The following TANGO6 variants were observed in gnomAD, a reference collection of about 807,000 sequenced individuals.
TANGO6 encodes the protein transport and golgi organization 6 homolog, also known as transport and Golgi organization protein 6 homolog.
A neutral mutation model predicts 114.2 loss-of-function variants in TANGO6; 90 were observed. That is an observed-to-expected ratio of 0.79 (90% CI 0.66 to 0.94). The LOEUF (loss-of-function observed/expected upper bound fraction) is 0.94, where lower values mean the gene tolerates loss of function less well. TANGO6 is among the 40% of genes least tolerant of loss of function. TANGO6 has a pLI of 0.00. For synonymous variants in TANGO6, 477 were observed against 509.8 expected (o/e 0.94, Z 0.87); for missense variants, 1,274 against 1,315.3 (o/e 0.97, Z 0.49).
intron 7 of TANGO6, among the ~76,000 whole-genome samples, chr16:68,891,680 C>T (rs1962623419): frequency 6.6e-6 from 1 of 152,146 alleles, no homozygotes; most frequent in African/African-American, 2.4e-5. Context: ...AGCCAATGTA[C>T]AGTCCAGCTT....
intron 10 of TANGO6, 128 bp downstream of exon 10, chr16:68,907,703 G>A: frequency 2.7e-6 from 3 of 1,126,538 alleles, no homozygotes; most frequent in Non-Finnish European, 3.6e-6. Context: ...AATGGTCAGA[G>A]GACATAAAGG....
intron 15 of TANGO6, among the ~76,000 whole-genome samples, chr16:68,998,958 C>G (rs906530112): frequency 6.6e-6 from 1 of 152,046 alleles, no homozygotes; most frequent in Admixed American, 6.5e-5. Flanking sequence ...TCTTGGCTCA[C>G]TGCAGCCTCA....
intron 14 of TANGO6, among the ~76,000 whole-genome samples, chr16:68,934,511 C>G (rs529866881): frequency 4.5e-4 from 69 of 152,166 alleles, no homozygotes; most frequent in African/African-American, 1.6e-3. Context: ...GAAAGCTCTA[C>G]GAGTAACGGG....
At chr16:68,866,641 A>G (rs1328953029) in intron 3 of TANGO6, among the ~76,000 whole-genome samples, 1 of 147,240 alleles carries the variant, frequency 6.8e-6, no homozygotes, top group South Asian at 2.2e-4. Context: ...AAAAAAAAAA[A>G]AAAAGTAATG....
intron 15 of TANGO6, among the ~76,000 whole-genome samples, chr16:69,007,526 A>G (rs929725608): frequency 6.6e-6 from 1 of 151,992 alleles, no homozygotes; most frequent in Admixed American, 6.6e-5. Flanking sequence ...CGGTCTCCCA[A>G]AGTGCTGGGA....
At chr16:68,866,395 G>A (rs943508238) in intron 3 of TANGO6, among the ~76,000 whole-genome samples, 7 of 151,132 alleles carry the variant, frequency 4.6e-5, no homozygotes, top group South Asian at 2.1e-4. Context: ...AGGCCGAGGC[G>A]GGTGGATCAT....
intron 12 of TANGO6, among the ~76,000 whole-genome samples, chr16:68,920,562 CTT>C (rs1218990947): frequency 6.6e-6 from 1 of 152,104 alleles, no homozygotes; most frequent in East Asian, 1.9e-4. Flanking sequence ...TAGTGTGAGT[CTT>C]ATGAAATCTA....
intron 15 of TANGO6, among the ~76,000 whole-genome samples, chr16:68,990,566 G>A (rs1314063187): frequency 6.6e-6 from 1 of 152,088 alleles, no homozygotes; most frequent in Non-Finnish European, 1.5e-5. Context: ...CATATTACCT[G>A]GCTAATTTGT....
intron 15 of TANGO6, among the ~76,000 whole-genome samples, chr16:69,002,470 T>C (rs1299960071): frequency 6.6e-6 from 1 of 151,940 alleles, no homozygotes; most frequent in African/African-American, 2.4e-5. Flanking sequence ...GGATAGTGAG[T>C]GAGTTAAGTG....
At chr16:69,053,091 G>A (rs1278056248) in intron 17 of TANGO6, among the ~76,000 whole-genome samples, 1 of 152,090 alleles carries the variant, frequency 6.6e-6, no homozygotes, top group African/African-American at 2.4e-5. Flanking sequence ...CAACAAGGGC[G>A]AAACTCGGTC....
At chr16:68,845,931 G>C (rs921002061) in intron 1 of TANGO6, among the ~76,000 whole-genome samples, 1 of 151,388 alleles carries the variant, frequency 6.6e-6, no homozygotes, top group African/African-American at 2.4e-5. Flanking sequence ...TGACACACCG[G>C]AACCCCCACC....
At chr16:69,014,256 G>T (rs966716805) in intron 15 of TANGO6, among the ~76,000 whole-genome samples, 1 of 152,096 alleles carries the variant, frequency 6.6e-6, no homozygotes, top group Non-Finnish European at 1.5e-5. Context: ...TTATCCTTTA[G>T]TTCCTCATGG....
At chr16:69,008,088 T>A (rs1227159472) in intron 15 of TANGO6, among the ~76,000 whole-genome samples, 1 of 152,160 alleles carries the variant, frequency 6.6e-6, no homozygotes, top group Non-Finnish European at 1.5e-5. Flanking sequence ...TTGTGGGTTG[T>A]CTTTTCACTT....
chr16:68,911,510 G>A (rs965942431), intron 11 of TANGO6, among the ~76,000 whole-genome samples: 4 of 148,872 alleles, frequency 2.7e-5, no homozygotes, highest in East Asian at 2.0e-4. Flanking sequence ...TCCACCTCCC[G>A]GGTTCAAGTG....
chr16:69,070,640 A>T (rs1960284819), intron 17 of TANGO6, among the ~76,000 whole-genome samples: 1 of 150,268 alleles, frequency 6.7e-6, no homozygotes, highest in African/African-American at 2.4e-5. Context: ...CTCAAAAAAA[A>T]AAAAAACAAA....
chr16:68,992,507 T>C (rs13335345), intron 15 of TANGO6, among the ~76,000 whole-genome samples: 13,106 of 152,176 alleles, frequency 0.086, 656 homozygotes, highest in African/African-American at 0.13. Context: ...TTGGTTGCTA[T>C]TTTTTTGTTG....
At chr16:68,862,859 G>A in intron 2 of TANGO6, 86 bp from the exon 3 acceptor site, 1 of 873,596 alleles carries the variant, frequency 1.1e-6, no homozygotes, top group East Asian at 2.6e-5. Context: ...CCTCTCACAA[G>A]TATCTCTGTA....
intron 14 of TANGO6, among the ~76,000 whole-genome samples, chr16:68,932,009 C>T (rs917213336): frequency 2.0e-5 from 3 of 151,636 alleles, no homozygotes; most frequent in East Asian, 3.9e-4. Context: ...CACGCCCAGC[C>T]GAGTTACGAA....
Position 68,867,372 on chromosome 16 carries a change from G to A in TANGO6, c.994+152G>A, listed in dbSNP as rs1426753248. ...ATTGAACAGGTTAAACTTAGAGGCC[G>A]TTAATGAGCTTCTTTTCCAAAGAAA... On this transcript the variant is annotated intron_variant, in intron 4 of 17. Transcript: ENST00000261778. 45 of 894,716 alleles carry A rather than the reference G, an allele frequency of 5.0e-5. 1 individual carries two copies. The Admixed American group carries it at 9.8e-4, about 19-fold the overall frequency. 55.4% of individuals were successfully genotyped at this position (894,716 alleles called of 1,614,324 possible). A position where few individuals can be genotyped will look rare whatever the true frequency, so the allele number is the denominator to read the frequency against.
Sources: gnomAD v4.1 joint callset for allele counts (sites outside exome capture counted in the v4.1 genomes callset) on GRCh38, gnomAD v4.1.1 for gene constraint, MANE v1.5 for transcripts, NCBI Gene and HGNC (gene_info 2026-07-23, HGNC 2026-07-21) for gene names.